The following PLCB4 variants were observed in gnomAD, a reference collection of about 807,000 sequenced individuals.
PLCB4 encodes the protein phospholipase C beta 4, also known as 1-phosphatidylinositol 4,5-bisphosphate phosphodiesterase beta-4.
A neutral mutation model predicts 178.8 loss-of-function variants in PLCB4; 77 were observed. The ratio of observed to expected loss-of-function variants is 0.43; its 90% confidence interval spans 0.36 to 0.52. The LOEUF is 0.52. Ranked by LOEUF, PLCB4 falls within the 20% of genes least tolerant of loss-of-function variation. PLCB4 has a pLI of 0.00. For synonymous variants in PLCB4, 496 were observed against 490.8 expected, an observed-to-expected ratio of 1.01 and a Z score of -0.14; for missense variants, 1,024 against 1,453.4, an observed-to-expected ratio of 0.70 and a Z score of 4.80.
At chr20:9,108,641 T>C (rs1185752834) in intron 2 of PLCB4, among the ~76,000 whole-genome samples, 2 of 151,870 alleles carry the variant, frequency 1.3e-5, no homozygotes, top group Non-Finnish European at 2.9e-5. Flanking sequence ...AGATCTTCTT[T>C]TTTTTTTTCA....
chr20:9,109,054 A>G (rs765552582), intron 2 of PLCB4, among the ~76,000 whole-genome samples: 2 of 152,188 alleles, frequency 1.3e-5, no homozygotes, highest in Non-Finnish European at 2.9e-5. Flanking sequence ...TGCTCTTAAC[A>G]CTAACTTTAG....
intron 2 of PLCB4, among the ~76,000 whole-genome samples, chr20:9,107,152 C>A (rs902855216): frequency 6.6e-6 from 1 of 152,096 alleles, no homozygotes; most frequent in Admixed American, 6.6e-5. Context: ...ATTATCTTGA[C>A]CTTTTGTAAA....
rs141379608 is a variant in PLCB4, at chr20:9,314,551, A to G, written c.84+6653A>G. On this transcript the variant is annotated intron_variant, in intron 4 of 39. Transcript: ENST00000378473. ...GAATGCCAGAGAAGGGGGTACATGTATGGATGCATTTATATTGTTTCTTTC... is the reference window on the plus strand; with the variant it reads ...GAATGCCAGAGAAGGGGGTACATGTGTGGATGCATTTATATTGTTTCTTTC... 4.5e-3 allele frequency among the ~76,000 whole-genome samples: 688 copies of G among 152,314 alleles called. 2 individuals are homozygous for G. Among genetic ancestry groups the G allele is most frequent in the African/African-American group, 0.015 (639 of 41,564 alleles).
At chr20:9,358,269 G>A (rs749136741) in intron 7 of PLCB4, among the ~76,000 whole-genome samples, 1 of 152,172 alleles carries the variant, frequency 6.6e-6, no homozygotes, top group African/African-American at 2.4e-5. Context: ...TTAATAACAA[G>A]CCTCTAGTTA....
intron 2 of PLCB4, among the ~76,000 whole-genome samples, chr20:9,201,530 G>A (rs547016772): frequency 6.6e-6 from 1 of 150,716 alleles, no homozygotes; most frequent in African/African-American, 2.4e-5. Flanking sequence ...TGTTATAACT[G>A]TGTAAATTTA....
intron 3 of PLCB4, among the ~76,000 whole-genome samples, chr20:9,225,117 A>T (rs1304035337): frequency 1.3e-5 from 2 of 152,222 alleles, no homozygotes; most frequent in African/African-American, 2.4e-5. Flanking sequence ...TAGATATTCA[A>T]AAAAGCTAGT....
intron 35 of PLCB4, among the ~76,000 whole-genome samples, chr20:9,462,423 G>A (rs928882318): frequency 1.3e-5 from 2 of 152,304 alleles, no homozygotes; most frequent in Non-Finnish European, 1.5e-5. Context: ...ACTTTGACAA[G>A]TTGACAGAAG....
intron 32 of PLCB4, among the ~76,000 whole-genome samples, chr20:9,446,712 C>G (rs2042434089): frequency 6.6e-6 from 1 of 152,168 alleles, no homozygotes; most frequent in Non-Finnish European, 1.5e-5. Context: ...AAAACCCTGT[C>G]TCTAGTAAAA....
intron 3 of PLCB4, among the ~76,000 whole-genome samples, chr20:9,280,265 G>C (rs1194838116): frequency 2.0e-5 from 3 of 151,996 alleles, no homozygotes; most frequent in African/African-American, 4.8e-5. Context: ...CTCTGGAAAG[G>C]AGATCCATTG....
At chr20:9,148,496 G>A (rs562645032) in intron 2 of PLCB4, among the ~76,000 whole-genome samples, 9 of 152,240 alleles carry the variant, frequency 5.9e-5, no homozygotes, top group African/African-American at 1.9e-4. Flanking sequence ...TGGTAATAGA[G>A]TTTCGTTTTC....
chr20:9,373,749 T>C (rs1282252062), intron 12 of PLCB4, among the ~76,000 whole-genome samples: 1 of 151,124 alleles, frequency 6.6e-6, no homozygotes, highest in African/African-American at 2.5e-5. Flanking sequence ...AACTGATAGA[T>C]AGAATTGCTT....
chr20:9,300,203 A>G (rs999630809), intron 3 of PLCB4, among the ~76,000 whole-genome samples: 1 of 152,170 alleles, frequency 6.6e-6, no homozygotes, highest in Non-Finnish European at 1.5e-5. Context: ...ACTTGTGGTC[A>G]GTGGAAATTT....
intron 4 of PLCB4, among the ~76,000 whole-genome samples, chr20:9,335,683 T>C (rs2032352173): frequency 6.6e-6 from 1 of 152,196 alleles, no homozygotes; most frequent in African/African-American, 2.4e-5. Context: ...CTACTTCCAC[T>C]TGTTAGACAA....
At chr20:9,208,840 C>T (rs1030164579) in intron 2 of PLCB4, among the ~76,000 whole-genome samples, 1 of 152,214 alleles carries the variant, frequency 6.6e-6, no homozygotes, top group Non-Finnish European at 1.5e-5. Context: ...CACACTTGAC[C>T]TGCTTTTACT....
At chr20:9,330,613 T>TC (rs1353209156) in intron 4 of PLCB4, among the ~76,000 whole-genome samples, 1 of 152,116 alleles carries the variant, frequency 6.6e-6, no homozygotes, top group Admixed American at 6.6e-5. Context: ...TGAACCTTTT[T>TC]CCCCCCTTCT....
intron 2 of PLCB4, among the ~76,000 whole-genome samples, chr20:9,198,003 A>G (rs1417719529): frequency 1.3e-5 from 2 of 152,278 alleles, no homozygotes; most frequent in Admixed American, 6.5e-5. Flanking sequence ...AAATAAAAAA[A>G]AAAACAAAAT....
rs138946427 is a variant in PLCB4, at chr20:9,255,151, C to T, written c.-16+37699C>T. On this transcript the variant is annotated intron_variant, in intron 3 of 39. Coordinates refer to ENST00000378473, the MANE Select transcript of PLCB4 (RefSeq NM_001377142.1). The stretch of plus-strand genomic sequence containing the variant: ...GTTGTACCTTGCCCTGTTAATGGTG[C>T]GCTCACCAATAATCTCATCATCCTC... 8.8e-3 allele frequency among the ~76,000 whole-genome samples: 1,339 copies of T among 152,212 alleles called. 8 individuals carry two copies. Among genetic ancestry groups the T allele is most frequent in the African/African-American group, 0.018 (741 of 41,520 alleles).
chr20:9,416,769 A>G (rs920644845), intron 25 of PLCB4, among the ~76,000 whole-genome samples: 6 of 152,222 alleles, frequency 3.9e-5, no homozygotes, highest in Admixed American at 6.5e-5. Context: ...GTTCAAAATT[A>G]CCTTCAACAT....
intron 4 of PLCB4, among the ~76,000 whole-genome samples, chr20:9,327,588 AAC>A (rs1486196463): frequency 3.9e-5 from 6 of 151,910 alleles, no homozygotes; most frequent in African/African-American, 4.8e-5. Context: ...CATCCTGGCT[AAC>A]ACAGACAAAC....
Sources: allele counts gnomAD v4.1 joint callset (sites outside exome capture counted in the v4.1 genomes callset), GRCh38; gene constraint gnomAD v4.1.1; transcripts MANE v1.5; gene names NCBI Gene and HGNC (gene_info 2026-07-23, HGNC 2026-07-21).